The following GRAP2 variants were observed in gnomAD, a reference collection of about 807,000 sequenced individuals.
The protein encoded by GRAP2 is GRB2-related adapter protein 2.
GRAP2 carries 31 observed loss-of-function variants against 43.5 expected under a neutral mutation model. The observed-to-expected ratio is 0.71, with a 90% confidence interval of 0.54 to 0.96. The LOEUF (loss-of-function observed/expected upper bound fraction) is 0.96, where lower values mean the gene tolerates loss of function less well. GRAP2 is among the 40% of genes least tolerant of loss of function. The pLI, the probability that GRAP2 is intolerant of heterozygous loss-of-function variation, is 0.00. For missense variants in GRAP2, 371 were observed against 424.4 expected (o/e 0.87, Z 1.11); for synonymous variants, 156 against 164.8 (o/e 0.95, Z 0.41).
chr22:39,962,567 C>A (rs990436530), intron 4 of GRAP2, among the ~76,000 whole-genome samples: 2 of 151,970 alleles, frequency 1.3e-5, no homozygotes, highest in African/African-American at 4.8e-5. Context: ...TAAACTTGAC[C>A]AAGTAATTTG....
chr22:39,929,939 C>T (rs2066740571), intron 1 of GRAP2, among the ~76,000 whole-genome samples: 1 of 152,152 alleles, frequency 6.6e-6, no homozygotes, highest in African/African-American at 2.4e-5. Context: ...TCGTTCTAGA[C>T]CTATGCTGTC....
intron 1 of GRAP2, among the ~76,000 whole-genome samples, chr22:39,922,806 G>A (rs146395934): frequency 9.9e-4 from 151 of 152,308 alleles, no homozygotes; most frequent in African/African-American, 3.4e-3. Context: ...ACTTTGGGAC[G>A]CCGAGGCAGG....
chr22:39,926,866 A>T, intron 1 of GRAP2: 2 of 982,836 alleles, frequency 2.0e-6, no homozygotes. Flanking sequence ...AAGTATAAAT[A>T]TATTTATCGT....
intron 1 of GRAP2, among the ~76,000 whole-genome samples, chr22:39,940,811 T>C (rs1472141449): frequency 6.6e-6 from 1 of 152,162 alleles, no homozygotes; most frequent in Non-Finnish European, 1.5e-5. Context: ...ATTCTGTATT[T>C]TAAAGGTTTG....
intron 1 of GRAP2, among the ~76,000 whole-genome samples, chr22:39,909,229 T>A (rs2066542359): frequency 6.6e-6 from 1 of 152,212 alleles, no homozygotes; most frequent in Non-Finnish European, 1.5e-5. Flanking sequence ...TGACACTTGG[T>A]ACCCTGTAAG....
intron 1 of GRAP2, among the ~76,000 whole-genome samples, chr22:39,931,681 C>T (rs573502844): frequency 2.0e-5 from 3 of 152,114 alleles, no homozygotes; most frequent in East Asian, 1.9e-4. Context: ...AAGTAGATGG[C>T]GAATTTGAGA....
At chr22:39,919,780 A>G (rs543063787) in intron 1 of GRAP2, among the ~76,000 whole-genome samples, 1 of 152,366 alleles carries the variant, frequency 6.6e-6, no homozygotes, top group East Asian at 1.9e-4. Context: ...CATTGGAGTA[A>G]GTCCTCCCAT....
At chr22:39,908,589 T>C (rs947113074) in intron 1 of GRAP2, among the ~76,000 whole-genome samples, 2 of 152,190 alleles carry the variant, frequency 1.3e-5, no homozygotes, top group Non-Finnish European at 2.9e-5. Flanking sequence ...AACAGTTATA[T>C]CCTTTAATGT....
At chr22:39,951,916 T>C (rs1420346565) in intron 2 of GRAP2, among the ~76,000 whole-genome samples, 1 of 152,040 alleles carries the variant, frequency 6.6e-6, no homozygotes, top group African/African-American at 2.4e-5. Context: ...GAGAAATGGC[T>C]GGCATTGTGG....
intron 1 of GRAP2, among the ~76,000 whole-genome samples, chr22:39,933,288 T>C (rs1428171405): frequency 6.6e-6 from 1 of 152,196 alleles, no homozygotes; most frequent in Non-Finnish European, 1.5e-5. Context: ...CAACCATACA[T>C]AGCAATGTGA....
chr22:39,960,399 C>T (rs1373518647), intron 4 of GRAP2: 2 of 489,206 alleles, frequency 4.1e-6, no homozygotes, highest in Non-Finnish European at 7.4e-6. Context: ...TATTTCTACG[C>T]CCATCTGCCT....
intron 3 of GRAP2, among the ~76,000 whole-genome samples, chr22:39,959,087 A>G (rs759036951): frequency 6.6e-6 from 1 of 152,192 alleles, no homozygotes; most frequent in Non-Finnish European, 1.5e-5. Context: ...GGTGACAGCA[A>G]TTAGAGCAGC....
intron 1 of GRAP2, among the ~76,000 whole-genome samples, chr22:39,910,548 A>G (rs1190050754): frequency 6.6e-6 from 1 of 151,916 alleles, no homozygotes; most frequent in African/African-American, 2.4e-5. Flanking sequence ...AGCTGGGATT[A>G]CAGGCGCCCG....
At chr22:39,930,971 A>C (rs2145605390) in intron 1 of GRAP2, among the ~76,000 whole-genome samples, 1 of 152,280 alleles carries the variant, frequency 6.6e-6, no homozygotes, top group Admixed American at 6.5e-5. Flanking sequence ...CTAGATTAGG[A>C]GCCTGCCCTT....
At chr22:39,948,990 G>A (rs2066953560) in intron 2 of GRAP2, among the ~76,000 whole-genome samples, 1 of 152,106 alleles carries the variant, frequency 6.6e-6, no homozygotes, top group Non-Finnish European at 1.5e-5. Context: ...TTCTTCAGCT[G>A]CAACTATCAC....
rs534567132 is a variant in GRAP2 at position 39,926,468 on chromosome 22, C to T, written c.-14-20625C>T. On this transcript the variant is annotated intron_variant, in intron 1 of 7. Coordinates refer to ENST00000344138, the MANE Select transcript of GRAP2 (RefSeq NM_004810.4). ...AAGAACCAAAAATGACAGTTAGCTC[C>T]GTAAGCCCAACAAAAGAAAAAAAAA... 67 of 303,152 alleles carry T rather than the reference C, an allele frequency of 2.2e-4. 1 individual carries two copies. In the South Asian group the frequency reaches 7.4e-3, roughly 33 times the overall value. 18.8% of individuals were successfully genotyped at this position (303,152 alleles called of 1,614,324 possible). A position where few individuals can be genotyped will look rare whatever the true frequency, so the allele number is the denominator to read the frequency against.
intron 1 of GRAP2, among the ~76,000 whole-genome samples, chr22:39,911,127 G>A (rs981390403): frequency 2.6e-5 from 4 of 152,184 alleles, no homozygotes; most frequent in Non-Finnish European, 2.9e-5. Flanking sequence ...CTCAGAGGCA[G>A]CATTAGATGA....
chr22:39,933,436 G>A (rs755770092), intron 1 of GRAP2, among the ~76,000 whole-genome samples: 3 of 152,192 alleles, frequency 2.0e-5, no homozygotes, highest in Non-Finnish European at 4.4e-5. Flanking sequence ...GACAGGATGG[G>A]GAAAGATTGT....
rs971400266 is a variant in GRAP2 at position 39,971,697 on chromosome 22, C to T, written c.*613C>T. On this transcript the variant is annotated 3_prime_UTR_variant, in exon 8 of 8. Coordinates refer to ENST00000344138, the MANE Select transcript of GRAP2 (RefSeq NM_004810.4). ...GCCTGTGCAAGGCTGGCCTCCTAGT[C>T]AACACCTAGCTGAGACATTCATCTC... 2.0e-5 allele frequency: 3 copies of T among 152,284 alleles called. No homozygotes were observed. Among genetic ancestry groups the T allele is most frequent in the Admixed American group, 6.5e-5 (1 of 15,286 alleles). The allele number at this position is 152,284 out of a possible 1,614,324, so 9.4% of individuals were successfully genotyped here. A position where few individuals can be genotyped will look rare whatever the true frequency, so the allele number is the denominator to read the frequency against.
Sources: allele counts gnomAD v4.1 joint callset (sites outside exome capture counted in the v4.1 genomes callset), GRCh38; gene constraint gnomAD v4.1.1; transcripts MANE v1.5; gene names NCBI Gene and HGNC (gene_info 2026-07-23, HGNC 2026-07-21).